HHAT: variants seen among roughly 807,000 people sequenced by gnomAD.
HHAT encodes the protein hedgehog acyltransferase.
HHAT carries 47 observed loss-of-function variants against 70.8 expected under a neutral mutation model. The observed-to-expected ratio is 0.66, with a 90% CI of 0.53 to 0.85. The LOEUF (loss-of-function observed/expected upper bound fraction) is 0.85. Ranked by LOEUF, HHAT falls within the 40% of genes least tolerant of loss-of-function variation. The pLI is 0.00. For missense variants in HHAT, 609 were observed against 604.8 expected (o/e 1.01, Z -0.07); for synonymous variants, 228 against 247.6 (o/e 0.92, Z 0.74).
chr1:210,602,365 G>C (rs1664471662), intron 10 of HHAT, among the ~76,000 whole-genome samples: 1 of 152,104 alleles, frequency 6.6e-6, no homozygotes, highest in African/African-American at 2.4e-5. Flanking sequence ...CTAAGCTTTT[G>C]GGAAAGGTTC....
intron 9 of HHAT, among the ~76,000 whole-genome samples, chr1:210,563,156 G>A (rs1573351212): frequency 6.6e-6 from 1 of 152,070 alleles, no homozygotes; most frequent in Admixed American, 6.6e-5. Context: ...AAGTGATTCC[G>A]CCTGTGGTAA....
chr1:210,584,369 C>T (rs927649932), intron 9 of HHAT, among the ~76,000 whole-genome samples: 13 of 152,232 alleles, frequency 8.5e-5, no homozygotes, highest in African/African-American at 2.9e-4. Context: ...AGTCGTTCTT[C>T]ATCCTTTTGC....
chr1:210,483,763 CT>C (rs1180851270), intron 8 of HHAT, among the ~76,000 whole-genome samples: 1 of 152,096 alleles, frequency 6.6e-6, no homozygotes, highest in Non-Finnish European at 1.5e-5. Flanking sequence ...TGTTTATCTC[CT>C]CATGGGTTAC....
rs2084743149 is a variant in HHAT at position 210,329,008 on chromosome 1, C to G, written c.-140C>G. On this transcript the variant is annotated 5_prime_UTR_variant, in exon 1 of 12. Coordinates refer to ENST00000261458, the MANE Select transcript of HHAT (RefSeq NM_018194.6). ...GTCCCGGGGAAGCCCGCAGCCGCCG[C>G]CGATGTCGCTGGGACTCGGAAGTGC... 1 of 1,386,434 alleles carries G rather than the reference C, an allele frequency of 7.2e-7. No individual in the cohort carries two copies. The allele number at this position is 1,386,434 out of a possible 1,614,324, so 85.9% of individuals were successfully genotyped here.
intron 7 of HHAT, among the ~76,000 whole-genome samples, chr1:210,429,281 A>C (rs758211001): frequency 1.3e-5 from 2 of 151,810 alleles, no homozygotes; most frequent in Non-Finnish European, 2.9e-5. Context: ...CTAATATCTA[A>C]TATCTAGTCT....
At chr1:210,450,392 C>G (rs2148394559) in intron 7 of HHAT, among the ~76,000 whole-genome samples, 1 of 152,090 alleles carries the variant, frequency 6.6e-6, no homozygotes, top group Middle Eastern at 3.4e-3. Flanking sequence ...ATCACTGGAG[C>G]CTTGGATACA....
rs1459049864 is a variant in HHAT at position 210,329,366 on chromosome 1, C to T, written c.-44+262C>T. ...GTCCGCGCACGGCCCTGCCCACGTCCTCTCTCCTTGGCTTCGTCCCCAGCT... is the reference window on the plus strand; with the variant it reads ...GTCCGCGCACGGCCCTGCCCACGTCTTCTCTCCTTGGCTTCGTCCCCAGCT... On this transcript the variant is annotated intron_variant, in intron 1 of 11. Coordinates refer to ENST00000261458, the MANE Select transcript of HHAT (RefSeq NM_018194.6). 3.4e-6 allele frequency: 4 copies of T among 1,181,898 alleles called. No individual in the cohort carries two copies. The East Asian group carries it at 1.1e-4, about 32-fold the overall frequency. The allele number at this position is 1,181,898 out of a possible 1,614,324, so 73.2% of individuals were successfully genotyped here.
intron 9 of HHAT, among the ~76,000 whole-genome samples, chr1:210,551,232 G>A (rs1324418512): frequency 6.7e-6 from 1 of 148,808 alleles, no homozygotes; most frequent in Non-Finnish European, 1.5e-5. Context: ...GAGGTTCTTA[G>A]TGCGGCCCGC....
intron 11 of HHAT, among the ~76,000 whole-genome samples, chr1:210,672,535 G>T (rs1680301262): frequency 6.6e-6 from 1 of 152,212 alleles, no homozygotes; most frequent in Non-Finnish European, 1.5e-5. Context: ...CTTACCACAT[G>T]ATCATAAATC....
chr1:210,581,428 A>G (rs891276999), intron 9 of HHAT, among the ~76,000 whole-genome samples: 2 of 152,212 alleles, frequency 1.3e-5, no homozygotes, highest in Non-Finnish European at 1.5e-5. Flanking sequence ...GGCTCAGGAC[A>G]GCACAGCCAG....
At chr1:210,591,840 A>G (rs1307067291) in intron 10 of HHAT, among the ~76,000 whole-genome samples, 3 of 152,114 alleles carry the variant, frequency 2.0e-5, no homozygotes, top group Admixed American at 2.0e-4. Context: ...CTTTTTAGAA[A>G]TGTCTATTCA....
intron 7 of HHAT, among the ~76,000 whole-genome samples, chr1:210,430,975 C>A (rs957353803): frequency 1.3e-5 from 2 of 151,866 alleles, no homozygotes; most frequent in Non-Finnish European, 2.9e-5. Flanking sequence ...GGTAATTCTA[C>A]ATCTGCAATC....
intron 8 of HHAT, among the ~76,000 whole-genome samples, chr1:210,480,453 G>A (rs1044103312): frequency 3.3e-5 from 5 of 152,214 alleles, no homozygotes; most frequent in Non-Finnish European, 7.3e-5. Context: ...ATAGTTGCCA[G>A]GGAAGACATG....
intron 11 of HHAT, among the ~76,000 whole-genome samples, chr1:210,662,677 G>A (rs983895009): frequency 1.3e-5 from 2 of 150,098 alleles, no homozygotes; most frequent in African/African-American, 2.5e-5. Flanking sequence ...TTTTTTTTCA[G>A]CACCCCTTCT....
At chr1:210,565,969 A>T (rs1330272483) in intron 9 of HHAT, among the ~76,000 whole-genome samples, 1 of 152,146 alleles carries the variant, frequency 6.6e-6, no homozygotes. Flanking sequence ...CTCTGTGCCA[A>T]CTATAGGGGG....
chr1:210,376,573 A>G (rs924869548), intron 3 of HHAT, among the ~76,000 whole-genome samples: 1 of 152,172 alleles, frequency 6.6e-6, no homozygotes, highest in Non-Finnish European at 1.5e-5. Context: ...CTGTGGGGGA[A>G]GGATGGGGCA....
chr1:210,585,065 C>A (rs1660133301), intron 9 of HHAT, among the ~76,000 whole-genome samples: 1 of 152,174 alleles, frequency 6.6e-6, no homozygotes, highest in South Asian at 2.1e-4. Context: ...TTCTCACATG[C>A]CTTCAAGTTT....
intron 11 of HHAT, among the ~76,000 whole-genome samples, chr1:210,661,197 C>T (rs1677626762): frequency 7.0e-6 from 1 of 143,594 alleles, no homozygotes; most frequent in Non-Finnish European, 1.5e-5. Context: ...CCAGAATCTA[C>T]AATGAACTCA....
intron 8 of HHAT, among the ~76,000 whole-genome samples, chr1:210,503,847 C>T (rs4845036): frequency 0.067 from 10,209 of 152,204 alleles, 965 homozygotes; most frequent in East Asian, 0.35. Flanking sequence ...TGAATTTAGA[C>T]CCTTATACAC....
Sources: gnomAD v4.1 joint callset for allele counts (sites outside exome capture counted in the v4.1 genomes callset) on GRCh38, gnomAD v4.1.1 for gene constraint, MANE v1.5 for transcripts, NCBI Gene and HGNC (gene_info 2026-07-23, HGNC 2026-07-21) for gene names.